The following ELAC2 variants were observed in gnomAD, a reference collection of about 807,000 sequenced individuals.
ELAC2 encodes zinc phosphodiesterase ELAC protein 2.
Under a neutral mutation model 105.2 loss-of-function variants are expected in ELAC2, and 92 were observed. The ratio of observed to expected loss-of-function variants is 0.87; its 90% CI spans 0.74 to 1.04. The LOEUF (loss-of-function observed/expected upper bound fraction) is 1.04. Ranked by LOEUF, ELAC2 falls within the 50% of genes least tolerant of loss-of-function variation. The pLI is 0.00. For synonymous variants in ELAC2, 468 were observed against 409.1 expected, an observed-to-expected ratio of 1.14 and a Z score of -1.74; for missense variants, 1,099 against 1,071.7, an observed-to-expected ratio of 1.03 and a Z score of -0.36.
intron 22 of ELAC2, 58 bp from the exon 23 acceptor site, chr17:12,993,889 G>A: frequency 6.2e-7 from 1 of 1,612,336 alleles, no homozygotes; most frequent in Non-Finnish European, 8.5e-7. Context: ...CTGCAAAGCA[G>A]ACAGTGGCAC....
chr17:13,010,472 C>A (rs1010492939), intron 8 of ELAC2, 141 bp downstream of exon 8: 7 of 789,808 alleles, frequency 8.9e-6, no homozygotes, highest in Non-Finnish European at 1.5e-5. Context: ...CCCGGCCTTC[C>A]ATCAGCTTTT....
intron 4 of ELAC2, 132 bp downstream of exon 4, chr17:13,015,636 T>A: frequency 1.3e-6 from 1 of 757,660 alleles, no homozygotes; most frequent in Non-Finnish European, 2.3e-6. Flanking sequence ...TCTTTTTAAC[T>A]TGAAAGGGGA....
At position 12,991,616 on chromosome 17, in the gene ELAC2, G is replaced by GTTA; in HGVS notation, c.*1199_*1201dup. ...TGTACAAATCGTTGTCAAAAGTAAC[G>GTTA]TTATTAAAATAGATTTATTATCCCT... On this transcript the variant is annotated 3_prime_UTR_variant, in exon 24 of 24. Transcript: ENST00000338034. 1 of 183,804 alleles carries GTTA rather than the reference G, an allele frequency of 5.4e-6. No individual in the cohort carries two copies. The highest frequency in any genetic ancestry group is 2.4e-5 in the African/African-American group (1 of 42,488). 11.4% of individuals were successfully genotyped at this position (183,804 alleles called of 1,614,324 possible). A position where few individuals can be genotyped will look rare whatever the true frequency, so the allele number is the denominator to read the frequency against.
chr17:13,002,614 G>T (rs757934357), intron 12 of ELAC2, 35 bp from the exon 13 acceptor site: 1 of 1,574,056 alleles, frequency 6.4e-7, no homozygotes. Context: ...TGCAGCGTCT[G>T]TTAGGAGGCA....
chr17:13,010,411 C>T (rs2041352010), intron 8 of ELAC2, among the ~76,000 whole-genome samples: 1 of 152,224 alleles, frequency 6.6e-6, no homozygotes, highest in African/African-American at 2.4e-5. Context: ...CCTCGTGATC[C>T]ACCTGCCTTG....
At chr17:13,014,286 T>C (rs1351345746) in intron 5 of ELAC2, among the ~76,000 whole-genome samples, 153 bp downstream of exon 5, 1 of 106,968 alleles carries the variant, frequency 9.3e-6, no homozygotes, top group Non-Finnish European at 1.8e-5. Context: ...AGCAAGACTC[T>C]ATCCAAAAAA....
At position 13,013,031 on chromosome 17, in the gene ELAC2, C is replaced by T. The variant is rs367591217; in HGVS notation, c.559+176G>A. 5.4e-4 allele frequency among the ~76,000 whole-genome samples: 82 copies of T among 152,286 alleles called. No homozygotes were observed. In the East Asian group the frequency reaches 0.01, roughly 19 times the overall value. On this transcript the variant is annotated intron_variant, in intron 6 of 23. Transcript: ENST00000338034. Reference sequence around the variant, plus strand: ...TATCATTAGGCATAAGTCAGACATCCGTAAGTTTATAAGCCAGGGCAGGAG... The same window carrying T: ...TATCATTAGGCATAAGTCAGACATCTGTAAGTTTATAAGCCAGGGCAGGAG...
intron 19 of ELAC2, among the ~76,000 whole-genome samples, chr17:12,995,400 T>C (rs1380967923): frequency 3.3e-5 from 5 of 152,224 alleles, no homozygotes; most frequent in Non-Finnish European, 7.3e-5. Flanking sequence ...TGCTAGCCAC[T>C]ATTTGGGTGC....
At chr17:13,004,391 G>T (rs1314146368) in intron 11 of ELAC2, among the ~76,000 whole-genome samples, 1 of 152,172 alleles carries the variant, frequency 6.6e-6, no homozygotes, top group Non-Finnish European at 1.5e-5. Flanking sequence ...TACAAACTAG[G>T]AACAGGAAAA....
chr17:13,011,553 C>G (rs1213641075), intron 7 of ELAC2, 110 bp downstream of exon 7: 1 of 1,560,674 alleles, frequency 6.4e-7, no homozygotes, highest in African/African-American at 1.4e-5. Context: ...GAAGAAGGAT[C>G]TGTTTACACA....
In ELAC2 at chr17:13,017,987, C is replaced by G; in HGVS notation, c.-40G>C. 1 of 1,534,122 alleles carries G rather than the reference C, an allele frequency of 6.5e-7. No individual in the cohort carries two copies. Among genetic ancestry groups the G allele is most frequent in the Non-Finnish European group, 8.7e-7 (1 of 1,146,588 alleles). On this transcript the variant is annotated 5_prime_UTR_variant, in exon 1 of 24. Coordinates refer to ENST00000338034, the MANE Select transcript of ELAC2 (RefSeq NM_018127.7). Reference sequence around the variant, plus strand: ...CAAAACTGAGAAAGCCGCCGGTCACCTACGCCCGCGTTTCCCGTGCACCAC... The same window carrying G: ...CAAAACTGAGAAAGCCGCCGGTCACGTACGCCCGCGTTTCCCGTGCACCAC...
intron 12 of ELAC2, among the ~76,000 whole-genome samples, 188 bp downstream of exon 12, chr17:13,003,291 G>A (rs1487484551): frequency 6.6e-6 from 1 of 152,156 alleles, no homozygotes; most frequent in East Asian, 1.9e-4. Flanking sequence ...GCCACCTAGC[G>A]GTGCATTTTC....
At chr17:13,003,725 C>A (rs1342696388) in intron 11 of ELAC2, 151 bp from the exon 12 acceptor site, 2 of 690,310 alleles carry the variant, frequency 2.9e-6, no homozygotes, top group Middle Eastern at 2.8e-4. Context: ...TCACAGCAGG[C>A]TGCTCACGGC....
In ELAC2 at chr17:12,994,983, G is replaced by A. The variant is rs781680309; in HGVS notation, c.1888C>T (p.Arg630Ter). Residue 630 changes from arginine (R) to a stop codon, truncating the protein, a stop_gained, in exon 20 of 24, where the codon CGA becomes TGA. Transcript: ENST00000338034. LOFTEE classifies it high-confidence loss of function. ...CTTACCTCTTCCAAATCACATGTTC[G>A]CAACAGCGAACTGATCAATCTTTCC... ...AVERLISSLL[R>*]TCDLEEFQTC... is the part of the protein sequence containing the mutation. 10 of 1,614,018 alleles carry A rather than the reference G, an allele frequency of 6.2e-6. No individual in the cohort carries two copies. Among genetic ancestry groups the A allele is most frequent in the South Asian group, 3.3e-5 (3 of 91,090 alleles).
intron 17 of ELAC2, 41 bp downstream of exon 17, chr17:12,996,506 C>T (rs745363776): frequency 6.2e-7 from 1 of 1,612,956 alleles, no homozygotes. Context: ...GTGGCAGTGC[C>T]TCCTCCAGGC....
chr17:12,993,079 CAGAG>C (rs777762288), intron 23 of ELAC2, 34 bp from the exon 24 acceptor site: 38 of 1,591,272 alleles, frequency 2.4e-5, no homozygotes, highest in Non-Finnish European at 3.1e-5. Context: ...GGACATGTCT[CAGAG>C]GGGCAGGGGT....
intron 17 of ELAC2, 75 bp downstream of exon 17, chr17:12,996,472 A>C: frequency 2.5e-6 from 4 of 1,606,488 alleles, no homozygotes; most frequent in Non-Finnish European, 3.4e-6. Flanking sequence ...GGAGGAAAAG[A>C]CGCAGCCAAA....
intron 16 of ELAC2, 133 bp from the exon 17 acceptor site, chr17:12,996,818 CTAATA>C (rs2040501145): frequency 2.4e-6 from 3 of 1,249,144 alleles, no homozygotes; most frequent in Non-Finnish European, 2.3e-6. Flanking sequence ...CTTTGAGGAG[CTAATA>C]TAAAAGCCAA....
chr17:12,997,623 C>T (rs2040543721), intron 16 of ELAC2, among the ~76,000 whole-genome samples: 1 of 152,148 alleles, frequency 6.6e-6, no homozygotes, highest in Admixed American at 6.5e-5. Flanking sequence ...TCCTCATCCA[C>T]AGAGAAACAC....
Sources: allele counts gnomAD v4.1 joint callset (sites outside exome capture counted in the v4.1 genomes callset), GRCh38; gene constraint gnomAD v4.1.1; transcripts MANE v1.5; gene names NCBI Gene and HGNC (gene_info 2026-07-23, HGNC 2026-07-21).